RIMS2: variants seen among roughly 807,000 people sequenced by gnomAD.
RIMS2 encodes regulating synaptic membrane exocytosis protein 2.
RIMS2 carries 59 observed loss-of-function variants against 174.4 expected under a neutral mutation model. The ratio of observed to expected loss-of-function variants is 0.34; its 90% CI spans 0.27 to 0.42. The LOEUF is 0.42. Among genes scored for constraint, RIMS2 ranks in the 10% least tolerant of loss-of-function variants. The pLI is 1.00. For missense variants in RIMS2, 1,620 were observed against 1,666.3 expected (o/e 0.97, Z 0.48); for synonymous variants, 606 against 572.5 (o/e 1.06, Z -0.84).
intron 6 of RIMS2, 43 bp from the exon 10 acceptor site, chr8:103,915,452 T>C: frequency 8.2e-7 from 1 of 1,222,434 alleles, no homozygotes; most frequent in Non-Finnish European, 1.2e-6. Flanking sequence ...ACCATGCTCA[T>C]TTTAACAATA....
At chr8:104,212,116 A>T (rs2099108241) in intron 19 of RIMS2, among the ~76,000 whole-genome samples, 1 of 152,268 alleles carries the variant, frequency 6.6e-6, no homozygotes. Flanking sequence ...TCGAGAGTAG[A>T]TTGAGAAGTC....
At chr8:103,982,174 G>A (rs1222508724) in intron 16 of RIMS2, among the ~76,000 whole-genome samples, 3 of 151,930 alleles carry the variant, frequency 2.0e-5, no homozygotes, top group African/African-American at 7.2e-5. Flanking sequence ...TAAACTCCTA[G>A]ACACTTACTA....
chr8:103,998,432 T>TA (rs1345366614), intron 17 of RIMS2, among the ~76,000 whole-genome samples: 1 of 151,810 alleles, frequency 6.6e-6, no homozygotes, highest in Non-Finnish European at 1.5e-5. Context: ...TAGTAGGACA[T>TA]AAAAAATACA....
intron 3 of RIMS2, among the ~76,000 whole-genome samples, chr8:103,825,895 T>G (rs1047818327): frequency 4.6e-5 from 7 of 152,160 alleles, no homozygotes; most frequent in African/African-American, 1.7e-4. Context: ...CAACAATGAT[T>G]GAAGATTTTG....
intron 19 of RIMS2, among the ~76,000 whole-genome samples, chr8:104,025,705 GTA>G (rs200632253): frequency 9.0e-6 from 1 of 111,638 alleles, no homozygotes; most frequent in African/African-American, 3.1e-5. Flanking sequence ...GTTGTTAAAC[GTA>G]TACACACACA....
At chr8:104,152,884 C>A (rs1263377016) in intron 19 of RIMS2, among the ~76,000 whole-genome samples, 2 of 151,976 alleles carry the variant, frequency 1.3e-5, no homozygotes, top group Non-Finnish European at 2.9e-5. Flanking sequence ...AATGATGTAT[C>A]ATAATGATTT....
chr8:104,193,145 G>A (rs2099006312), intron 19 of RIMS2, among the ~76,000 whole-genome samples: 1 of 151,586 alleles, frequency 6.6e-6, no homozygotes, highest in East Asian at 1.9e-4. Context: ...CATGTTTAAT[G>A]TGTACCTTCA....
chr8:103,869,636 T>C (rs1010069765), intron 3 of RIMS2, among the ~76,000 whole-genome samples: 8 of 152,042 alleles, frequency 5.3e-5, no homozygotes, highest in African/African-American at 1.7e-4. Flanking sequence ...AACACGCTTC[T>C]AATAAAAAAA....
At chr8:103,555,688 T>C (rs1189376632) in intron 1 of RIMS2, among the ~76,000 whole-genome samples, 1 of 151,690 alleles carries the variant, frequency 6.6e-6, no homozygotes, top group Non-Finnish European at 1.5e-5. Context: ...TCCCAACACT[T>C]TGGGAGGCCA....
intron 3 of RIMS2, among the ~76,000 whole-genome samples, chr8:103,794,499 A>T (rs1029522689): frequency 6.6e-5 from 10 of 152,176 alleles, no homozygotes; most frequent in Admixed American, 5.2e-4. Flanking sequence ...AACCTAGGCA[A>T]TACCATTCAG....
Position 103,673,753 on chromosome 8 carries a change from C to T in RIMS2, c.177-23333C>T, listed in dbSNP as rs139123579. On this transcript the variant is annotated intron_variant, in intron 1 of 23. Transcript: ENST00000504942. ...TTGTCTTGAATATTAGCAGTTGGCT[C>T]CCATTTAGTAATATAAATATCTCTA... 4.1e-3 allele frequency among the ~76,000 whole-genome samples: 628 copies of T among 152,330 alleles called. 5 individuals carry two copies. The highest frequency in any genetic ancestry group is 6.3e-3 in the Non-Finnish European group (426 of 68,026).
intron 19 of RIMS2, among the ~76,000 whole-genome samples, chr8:104,069,014 A>G (rs1188344458): frequency 1.3e-5 from 2 of 152,210 alleles, no homozygotes; most frequent in East Asian, 3.8e-4. Flanking sequence ...CCTGCCTTAT[A>G]GTGGATCAAC....
chr8:103,895,450 G>A (rs2099272310), intron 4 of RIMS2, among the ~76,000 whole-genome samples: 1 of 151,516 alleles, frequency 6.6e-6, no homozygotes, highest in Admixed American at 6.6e-5. Flanking sequence ...CATGATGTGG[G>A]AGAGATAATC....
intron 1 of RIMS2, among the ~76,000 whole-genome samples, chr8:103,526,214 G>C (rs1833911883): frequency 6.6e-6 from 1 of 152,188 alleles, no homozygotes; most frequent in Non-Finnish European, 1.5e-5. Flanking sequence ...GAGTAAGGAT[G>C]AGCTGCGAAT....
Position 104,076,921 on chromosome 8 carries a change from A to G in RIMS2, c.3334+62306A>G, listed in dbSNP as rs141702373. Among the ~76,000 whole-genome samples, 1,035 of 150,562 alleles carry G rather than the reference A, an allele frequency of 6.9e-3. 12 individuals carry two copies. Among genetic ancestry groups the G allele is most frequent in the African/African-American group, 0.024 (993 of 40,866 alleles). On this transcript the variant is annotated intron_variant, in intron 19 of 23. Transcript: ENST00000504942. ...AACCTCTGCCTCCCGGGTTCAAGTG[A>G]TTCTCCTACCTCAGCCTCCCGAGTA...
At chr8:104,208,432 A>T (rs919895161) in intron 19 of RIMS2, among the ~76,000 whole-genome samples, 1 of 151,732 alleles carries the variant, frequency 6.6e-6, no homozygotes, top group Non-Finnish European at 1.5e-5. Flanking sequence ...GCCGGGCGCA[A>T]TGGCGGGCAC....
intron 19 of RIMS2, among the ~76,000 whole-genome samples, chr8:104,221,547 T>C (rs2138514229): frequency 6.6e-6 from 1 of 152,304 alleles, no homozygotes; most frequent in Non-Finnish European, 1.5e-5. Context: ...AGTTGTCTGG[T>C]TTTATCAATG....
intron 19 of RIMS2, among the ~76,000 whole-genome samples, chr8:104,232,421 C>A (rs1043620564): frequency 3.9e-5 from 6 of 152,176 alleles, no homozygotes; most frequent in African/African-American, 1.4e-4. Context: ...CAACATGTTT[C>A]CTTTCAGGTG....
intron 1 of RIMS2, among the ~76,000 whole-genome samples, chr8:103,672,774 C>A (rs1034879937): frequency 1.3e-5 from 2 of 152,040 alleles, no homozygotes; most frequent in Non-Finnish European, 2.9e-5. Context: ...TTGTCCCTCC[C>A]AAATCTCATT....
Sources: allele counts gnomAD v4.1 joint callset (sites outside exome capture counted in the v4.1 genomes callset), GRCh38; gene constraint gnomAD v4.1.1; transcripts MANE v1.5; gene names NCBI Gene and HGNC (gene_info 2026-07-23, HGNC 2026-07-21).